Variants in SLC28A2 observed in about 807,000 individuals in gnomAD.
The protein encoded by SLC28A2 is sodium/nucleoside cotransporter 2.
SLC28A2 carries 69 observed loss-of-function variants against 72.9 expected under a neutral mutation model. That is an observed-to-expected ratio of 0.95 (90% CI 0.78 to 1.16). The LOEUF is 1.16. Ranked by LOEUF, SLC28A2 falls within the 50% of genes most tolerant of loss-of-function variation. The probability of loss-of-function intolerance (pLI) is 0.00; values close to 1 mark genes in which losing one functional copy is unlikely to be tolerated. For missense variants in SLC28A2, 745 were observed against 791.1 expected, an observed-to-expected ratio of 0.94 and a Z score of 0.70; for synonymous variants, 296 against 294.1, an observed-to-expected ratio of 1.01 and a Z score of -0.07.
At chr15:45,258,619 C>A (rs1244387443) in intron 3 of SLC28A2, among the ~76,000 whole-genome samples, 1 of 152,096 alleles carries the variant, frequency 6.6e-6, no homozygotes, top group Non-Finnish European at 1.5e-5. Flanking sequence ...TATACTTTTG[C>A]TTCTTTTGCT....
chr15:45,258,707 T>C (rs11637920), intron 3 of SLC28A2, among the ~76,000 whole-genome samples: 71,982 of 152,136 alleles, frequency 0.47, 20,726 homozygotes, highest in Non-Finnish European at 0.67. Context: ...GTATAGTATT[T>C]CATTGTAAGA....
chr15:45,272,214 T>A, intron 15 of SLC28A2, 81 bp from the exon 16 acceptor site: 1 of 1,075,130 alleles, frequency 9.3e-7, no homozygotes, highest in Non-Finnish European at 1.4e-6. Flanking sequence ...TTCTCTGCGT[T>A]CTTCTAAGTG....
rs531757264 is a variant in SLC28A2 at position 45,276,683 on chromosome 15, G to A, written c.*1170G>A. 6.6e-6 allele frequency: 1 copy of A among 152,222 alleles called. No homozygotes were observed. Among genetic ancestry groups the A allele is most frequent in the African/African-American group, 2.4e-5 (1 of 41,536 alleles). 9.4% of individuals were successfully genotyped at this position (152,222 alleles called of 1,614,324 possible). ...TTAGTATGTAATTTGCCTGGGACGG[G>A]GGAGAAGCTACATTTATTGGCATTG... On this transcript the variant is annotated 3_prime_UTR_variant, in exon 18 of 18. Coordinates refer to ENST00000347644, the MANE Select transcript of SLC28A2 (RefSeq NM_004212.4).
chr15:45,257,067 C>T (rs10519018), intron 3 of SLC28A2, among the ~76,000 whole-genome samples: 71,992 of 152,090 alleles, frequency 0.47, 20,730 homozygotes, highest in Non-Finnish European at 0.67. Context: ...CAACTATCAA[C>T]TGTTCCTTAT....
At chr15:45,252,518 C>CTT (rs1899824401) in intron 1 of SLC28A2, among the ~76,000 whole-genome samples, 2 of 152,160 alleles carry the variant, frequency 1.3e-5, no homozygotes, top group Admixed American at 6.5e-5. Flanking sequence ...TCAGAATGAA[C>CTT]TTATATTCTA....
At chr15:45,269,580 A>G (rs1418243232) in intron 14 of SLC28A2, 45 bp downstream of exon 14, 2 of 1,536,642 alleles carry the variant, frequency 1.3e-6, no homozygotes, top group Non-Finnish European at 1.8e-6. Context: ...GGTCTCAGCC[A>G]TGGTTATCTG....
chr15:45,271,322 T>C (rs1233614947), intron 15 of SLC28A2, among the ~76,000 whole-genome samples: 9 of 152,108 alleles, frequency 5.9e-5, no homozygotes, highest in Non-Finnish European at 1.0e-4. Flanking sequence ...TCCCAACACT[T>C]TGGGCCAAGG....
chr15:45,269,279 G>A, intron 13 of SLC28A2, 59 bp from the exon 14 acceptor site: 1 of 1,434,340 alleles, frequency 7.0e-7, no homozygotes, highest in South Asian at 1.2e-5. Flanking sequence ...AAGGTCCTTG[G>A]CACCTGACCT....
chr15:45,257,659 C>G (rs942147421), intron 3 of SLC28A2, among the ~76,000 whole-genome samples: 7 of 152,088 alleles, frequency 4.6e-5, no homozygotes, highest in Non-Finnish European at 2.9e-5. Context: ...CTCTGATGAT[C>G]TGGGGTGCTT....
At position 45,277,130 on chromosome 15, in the gene SLC28A2, A is replaced by G. The variant is rs1440586129; in HGVS notation, c.*1617A>G. The G allele has an allele frequency of 6.6e-6, 1 of 151,996 alleles. No individual in the cohort carries two copies. Among genetic ancestry groups the G allele is most frequent in the East Asian group, 1.9e-4 (1 of 5,200 alleles). The allele number at this position is 151,996 out of a possible 1,614,324, so 9.4% of individuals were successfully genotyped here. ...TATAACCAAAGGTCAGCTCTCCCAC[A>G]ACGAAGAATTACCTGGTCCCAAACG... On this transcript the variant is annotated 3_prime_UTR_variant, in exon 18 of 18. Transcript: ENST00000347644.
intron 3 of SLC28A2, among the ~76,000 whole-genome samples, chr15:45,258,323 T>G (rs188460533): frequency 3.4e-3 from 491 of 146,496 alleles, no homozygotes; most frequent in Non-Finnish European, 4.8e-3. Context: ...ACTGGTACAG[T>G]TTTTTTTGCC....
At chr15:45,266,340 C>A (rs1900336218) in intron 10 of SLC28A2, among the ~76,000 whole-genome samples, 179 bp downstream of exon 10, 1 of 152,186 alleles carries the variant, frequency 6.6e-6, no homozygotes, top group African/African-American at 2.4e-5. Context: ...TCACCCTTTG[C>A]GCCTAATAAT....
Position 45,267,486 on chromosome 15 carries a change from T to G in SLC28A2, c.974T>G (p.Leu325Arg). The G allele has an allele frequency of 6.2e-7, 1 of 1,614,104 alleles. No homozygotes were observed. Among genetic ancestry groups the G allele is most frequent in the East Asian group, 2.2e-5 (1 of 44,872 alleles). The change falls in exon 11 of 18, where the codon CTT (leucine) becomes CGT (arginine). Residue 325 changes from leucine (L) to arginine (R), a missense_variant. By Grantham distance (102) the Leu-to-Arg change is moderately radical. Transcript: ENST00000347644. ...GCACCTCTGCTCATCCGTCCCTACC[T>G]TGGGGACATGACACTCTCTGAAATC... ...TEAPLLIRPY[L>R]GDMTLSEIHA...
chr15:45,253,505 C>T lies in SLC28A2; in HGVS notation c.155C>T (p.Pro52Leu), dbSNP rs780837388. ...QGHSLGDGLG[P>L]STYQRRSRWP... ...CACAGCCTGGGGGATGGACTGGGCCCTTCCACTTACCAGAGGTACTGGTGT... is the reference window on the plus strand; with the variant it reads ...CACAGCCTGGGGGATGGACTGGGCCTTTCCACTTACCAGAGGTACTGGTGT... The change falls in exon 3 of 18, where the codon CCT becomes CTT. Residue 52 changes from proline to leucine, a missense_variant. Coordinates refer to ENST00000347644, the MANE Select transcript of SLC28A2 (RefSeq NM_004212.4). 7 of 1,612,194 alleles carry T rather than the reference C, an allele frequency of 4.3e-6. No homozygotes were observed. The Admixed American group carries it at 5.0e-5, about 12-fold the overall frequency.
At chr15:45,255,291 G>A (rs911591426) in intron 3 of SLC28A2, 2 of 151,330 alleles carry the variant, frequency 1.3e-5, no homozygotes, top group Non-Finnish European at 2.9e-5. Flanking sequence ...CTGTCCACAT[G>A]TAGTTTTGCA....
At chr15:45,260,711 A>G (rs1358829242) in intron 3 of SLC28A2, among the ~76,000 whole-genome samples, 1 of 152,190 alleles carries the variant, frequency 6.6e-6, no homozygotes, top group East Asian at 1.9e-4. Flanking sequence ...GCAGTGAGCC[A>G]TGATCATGCC....
intron 10 of SLC28A2, 23 bp from the exon 11 acceptor site, chr15:45,267,432 G>A: frequency 6.2e-7 from 1 of 1,613,890 alleles, no homozygotes; most frequent in Non-Finnish European, 8.5e-7. Flanking sequence ...CTTGGAATCT[G>A]ACTGTTTTCT....
rs1900327566 is a variant in SLC28A2, at chr15:45,266,139, CAG to C, written c.921_922del (p.Gly308LysfsTer24). On this transcript the variant is annotated frameshift_variant, in exon 10 of 18. Transcript: ENST00000347644. LOFTEE classifies it high-confidence loss of function. Reference sequence around the variant, plus strand: ...ACTGCTACAGAGACCCTGGCTGTGGCAGGAAACATCTTTGTGGGTATGGTAAG... The same window carrying C: ...ACTGCTACAGAGACCCTGGCTGTGGCGAAACATCTTTGTGGGTATGGTAAG... 1.2e-6 allele frequency: 2 copies of C among 1,613,360 alleles called. No homozygotes were observed. Among genetic ancestry groups the C allele is most frequent in the Non-Finnish European group, 1.7e-6 (2 of 1,179,388 alleles).
intron 15 of SLC28A2, among the ~76,000 whole-genome samples, chr15:45,270,640 T>G (rs1900522802): frequency 6.6e-6 from 1 of 151,458 alleles, no homozygotes; most frequent in Non-Finnish European, 1.5e-5. Context: ...TTATTTAATT[T>G]TTTTTGAAAC....
Sources: allele counts gnomAD v4.1 joint callset (sites outside exome capture counted in the v4.1 genomes callset), GRCh38; gene constraint gnomAD v4.1.1; transcripts MANE v1.5; gene names NCBI Gene and HGNC (gene_info 2026-07-23, HGNC 2026-07-21).